NOL4: variants seen among roughly 807,000 people sequenced by gnomAD.
NOL4 encodes nucleolar protein 4.
Under a neutral mutation model 75.9 loss-of-function variants are expected in NOL4, and 17 were observed. The observed-to-expected ratio is 0.22, with a 90% CI of 0.15 to 0.34. The LOEUF is 0.34. Among genes scored for constraint, NOL4 ranks in the 10% least tolerant of loss-of-function variants. The pLI, the probability that NOL4 is intolerant of heterozygous loss-of-function variation, is 1.00. For missense variants in NOL4, 614 were observed against 793.5 expected, an observed-to-expected ratio of 0.77 and a Z score of 2.72; for synonymous variants, 292 against 289.9, an observed-to-expected ratio of 1.01 and a Z score of -0.07.
At chr18:33,914,772 C>G (rs1042879406) in intron 9 of NOL4, among the ~76,000 whole-genome samples, 1 of 152,060 alleles carries the variant, frequency 6.6e-6, no homozygotes, top group Admixed American at 6.6e-5. Flanking sequence ...GAATGAAGGA[C>G]ATTAACTGGG....
intron 10 of NOL4, among the ~76,000 whole-genome samples, chr18:33,879,784 T>G (rs890102963): frequency 1.6e-5 from 2 of 128,068 alleles, no homozygotes; most frequent in African/African-American, 5.6e-5. Context: ...TATTGGCAAC[T>G]TTTTTTTTTT....
At position 34,011,033 on chromosome 18, in the gene NOL4, G is replaced by C. The variant is rs189531231; in HGVS notation, c.1056+8285C>G. Among the ~76,000 whole-genome samples the C allele has an allele frequency of 3.3e-5, 5 of 151,784 alleles. No homozygotes were observed. The South Asian group carries it at 6.2e-4, about 19-fold the overall frequency. ...ATCTAGTACCTTATAGCACAACAGG[G>C]TGGCTACAGTTAATAATAATTTATT... On this transcript the variant is annotated intron_variant, in intron 6 of 10. Coordinates refer to ENST00000261592, the MANE Select transcript of NOL4 (RefSeq NM_003787.5).
chr18:34,188,237 C>G (rs950530352), intron 1 of NOL4, among the ~76,000 whole-genome samples: 1 of 151,666 alleles, frequency 6.6e-6, no homozygotes, highest in Non-Finnish European at 1.5e-5. Flanking sequence ...TATGCTAGGA[C>G]TGTAGTAAAA....
chr18:34,189,023 C>T (rs567160565), intron 1 of NOL4, among the ~76,000 whole-genome samples: 1 of 152,190 alleles, frequency 6.6e-6, no homozygotes, highest in Non-Finnish European at 1.5e-5. Flanking sequence ...ATGGCAATGT[C>T]TTAGTCTGTT....
intron 1 of NOL4, among the ~76,000 whole-genome samples, chr18:34,153,985 G>A (rs1185108967): frequency 6.6e-6 from 1 of 151,984 alleles, no homozygotes; most frequent in Non-Finnish European, 1.5e-5. Context: ...GTAGAGCTGA[G>A]GCAGGCTAGA....
intron 10 of NOL4, among the ~76,000 whole-genome samples, chr18:33,866,030 G>C (rs1022443233): frequency 2.0e-5 from 3 of 152,144 alleles, no homozygotes; most frequent in Admixed American, 2.0e-4. Context: ...ATTATGCAAG[G>C]GAGAAAAGAG....
At chr18:34,141,234 A>G (rs1348555083) in intron 1 of NOL4, among the ~76,000 whole-genome samples, 1 of 152,212 alleles carries the variant, frequency 6.6e-6, no homozygotes, top group Non-Finnish European at 1.5e-5. Flanking sequence ...GGAAGAATCA[A>G]TATCATGAAA....
At chr18:33,972,286 A>C (rs537086090) in intron 6 of NOL4, among the ~76,000 whole-genome samples, 2 of 152,264 alleles carry the variant, frequency 1.3e-5, no homozygotes, top group South Asian at 2.1e-4. Flanking sequence ...ATAAAAAAAA[A>C]CAAATAACCT....
intron 1 of NOL4, chr18:34,157,061 A>C (rs1330433795): frequency 2.0e-5 from 3 of 151,984 alleles, no homozygotes; most frequent in African/African-American, 7.3e-5. Context: ...AGCAACTTAC[A>C]TGTTTGGCTT....
At chr18:34,086,927 A>C (rs2078271470) in intron 5 of NOL4, among the ~76,000 whole-genome samples, 1 of 152,180 alleles carries the variant, frequency 6.6e-6, no homozygotes, top group African/African-American at 2.4e-5. Context: ...AAACACATAC[A>C]AACACATACA....
chr18:33,928,816 T>C (rs1599899584), intron 9 of NOL4, among the ~76,000 whole-genome samples: 1 of 152,058 alleles, frequency 6.6e-6, no homozygotes, highest in East Asian at 2.0e-4. Context: ...GCTAAAATTA[T>C]AGTTCGTTAA....
At position 34,199,145 on chromosome 18, in the gene NOL4, GTT is replaced by G. The variant is rs11323634; in HGVS notation, c.264+23843_264+23844del. Among the ~76,000 whole-genome samples the G allele has an allele frequency of 4.1e-3, 534 of 131,272 alleles. 1 individual carries two copies. Among genetic ancestry groups the G allele is most frequent in the East Asian group, 0.013 (56 of 4,368 alleles). 86.1% of individuals were successfully genotyped at this position (131,272 alleles called of 152,430 possible). Reference sequence around the variant, plus strand: ...TCAGAGCAAAGCCTGGGACAGAGAAGTTTTTTTTTTTTTTTTTGTATGTTTTG... The same window carrying G: ...TCAGAGCAAAGCCTGGGACAGAGAAGTTTTTTTTTTTTTTTGTATGTTTTG... On this transcript the variant is annotated intron_variant, in intron 1 of 10. Coordinates refer to ENST00000261592, the MANE Select transcript of NOL4 (RefSeq NM_003787.5).
At chr18:34,048,454 T>A (rs1176743326) in intron 5 of NOL4, 2 of 985,284 alleles carry the variant, frequency 2.0e-6, no homozygotes, top group Admixed American at 1.2e-4. Flanking sequence ...ATTCTGCTCT[T>A]CAACTTAAAT....
At chr18:34,022,254 A>C (rs1031126635) in intron 5 of NOL4, among the ~76,000 whole-genome samples, 1 of 151,940 alleles carries the variant, frequency 6.6e-6, no homozygotes, top group Non-Finnish European at 1.5e-5. Flanking sequence ...CCTGTGAAAA[A>C]TGTTAAAATA....
At chr18:34,021,329 G>C (rs1236853773) in intron 5 of NOL4, among the ~76,000 whole-genome samples, 1 of 152,320 alleles carries the variant, frequency 6.6e-6, no homozygotes, top group Middle Eastern at 3.4e-3. Flanking sequence ...CCTTAACCAG[G>C]TGGAGAAGTT....
rs1600513003 is a variant in NOL4 at position 34,080,483 on chromosome 18, A to G, written c.772+12982T>C. Among the ~76,000 whole-genome samples the G allele has an allele frequency of 5.3e-5, 8 of 152,298 alleles. 2 individuals carry two copies. Among genetic ancestry groups the G allele is most frequent in the Admixed American group, 5.2e-4 (8 of 15,290 alleles). ...ATAGACTCCGATGTTAATAAGGCAT[A>G]TATTACCCCTAATTGAAATGAAGGG... is the stretch of plus-strand genomic sequence containing the variant. On this transcript the variant is annotated intron_variant, in intron 5 of 10. Coordinates refer to ENST00000261592, the MANE Select transcript of NOL4 (RefSeq NM_003787.5).
chr18:34,187,110 A>G (rs1406006496), intron 1 of NOL4, among the ~76,000 whole-genome samples: 1 of 152,128 alleles, frequency 6.6e-6, no homozygotes, highest in African/African-American at 2.4e-5. Context: ...GTTGTGACAA[A>G]TAACATGTAT....
At chr18:34,009,909 C>T (rs1428960082) in intron 6 of NOL4, among the ~76,000 whole-genome samples, 2 of 151,820 alleles carry the variant, frequency 1.3e-5, no homozygotes, top group Non-Finnish European at 2.9e-5. Flanking sequence ...GAGCCTAATT[C>T]CATTGGATCA....
At chr18:34,064,137 C>T (rs1479613257) in intron 5 of NOL4, among the ~76,000 whole-genome samples, 4 of 151,952 alleles carry the variant, frequency 2.6e-5, no homozygotes, top group Non-Finnish European at 5.9e-5. Context: ...AAACACAAAG[C>T]ATTCTGACTC....
Sources: allele counts gnomAD v4.1 joint callset (sites outside exome capture counted in the v4.1 genomes callset), GRCh38; gene constraint gnomAD v4.1.1; transcripts MANE v1.5; gene names NCBI Gene and HGNC (gene_info 2026-07-23, HGNC 2026-07-21).